RBFOX1: variants seen among roughly 807,000 people sequenced by gnomAD.
RBFOX1 encodes the protein RNA binding protein fox-1 homolog 1.
In RBFOX1, 8 loss-of-function variants were observed where a neutral mutation model predicts 57.7. The observed-to-expected ratio is 0.14, with a 90% CI of 0.08 to 0.25. RBFOX1 has a LOEUF of 0.25. Among genes scored for constraint, RBFOX1 ranks in the 10% least tolerant of loss-of-function variants. The pLI is 1.00. For synonymous variants in RBFOX1, 326 were observed against 222.4 expected (o/e 1.47, Z -4.15); for missense variants, 611 against 548.5 (o/e 1.11, Z -1.14).
chr16:5,487,633 G>C (rs1427020073), intron 2 of RBFOX1, among the ~76,000 whole-genome samples: 1 of 152,194 alleles, frequency 6.6e-6, no homozygotes, highest in Non-Finnish European at 1.5e-5. Flanking sequence ...TAATGTACTT[G>C]AGACCACAGA....
rs2084244971 is a variant in RBFOX1, at chr16:7,713,156, T to C, written c.*2411T>C. 6.6e-6 allele frequency: 1 copy of C among 152,314 alleles called. No homozygotes were observed. The highest frequency in any genetic ancestry group is 2.1e-4 in the South Asian group (1 of 4,822). 9.4% of individuals were successfully genotyped at this position (152,314 alleles called of 1,614,324 possible). A position where few individuals can be genotyped will look rare whatever the true frequency, so the allele number is the denominator to read the frequency against. Reference sequence around the variant, plus strand: ...CTAAATAACTATTGCTATTATGAATTATGGAAAATTAATATTATGTGTGGC... The same window carrying C: ...CTAAATAACTATTGCTATTATGAATCATGGAAAATTAATATTATGTGTGGC... On this transcript the variant is annotated 3_prime_UTR_variant, in exon 16 of 16. Transcript: ENST00000550418.
intron 4 of RBFOX1, among the ~76,000 whole-genome samples, chr16:7,147,875 C>A (rs532624571): frequency 6.6e-6 from 1 of 152,242 alleles, no homozygotes; most frequent in Admixed American, 6.5e-5. Context: ...TCTGTTTAAG[C>A]CCTTTGAGAA....
chr16:6,599,263 A>G (rs80320038), intron 2 of RBFOX1, among the ~76,000 whole-genome samples: 1 of 152,154 alleles, frequency 6.6e-6, no homozygotes, highest in Non-Finnish European at 1.5e-5. Context: ...GGGGCTTTGC[A>G]TAACTTCCAA....
chr16:5,244,388 C>T (rs189422427), intron 1 of RBFOX1, among the ~76,000 whole-genome samples: 3 of 152,326 alleles, frequency 2.0e-5, no homozygotes, highest in Admixed American at 6.5e-5. Context: ...TTCCCCACCA[C>T]ATCCGCCTGG....
chr16:7,199,039 C>G (rs2087560916), intron 4 of RBFOX1, among the ~76,000 whole-genome samples: 1 of 152,104 alleles, frequency 6.6e-6, no homozygotes, highest in Non-Finnish European at 1.5e-5. Context: ...GTTTCAGTTC[C>G]AAGGGACAAG....
chr16:5,948,727 C>G (rs1271160948), intron 4 of RBFOX1, among the ~76,000 whole-genome samples: 2 of 152,144 alleles, frequency 1.3e-5, no homozygotes, highest in Middle Eastern at 6.3e-3. Flanking sequence ...GGAACCAACC[C>G]TACCAGTGCT....
At chr16:5,763,805 C>T (rs1009902446) in intron 3 of RBFOX1, among the ~76,000 whole-genome samples, 1 of 152,230 alleles carries the variant, frequency 6.6e-6, no homozygotes, top group Non-Finnish European at 1.5e-5. Flanking sequence ...AGCCTTTGCT[C>T]AAATGCTCCC....
chr16:5,296,272 A>G (rs2063665808), intron 1 of RBFOX1, among the ~76,000 whole-genome samples: 1 of 152,028 alleles, frequency 6.6e-6, no homozygotes, highest in Admixed American at 6.6e-5. Context: ...TCTTTGAGGG[A>G]CTATGTTTCG....
intron 3 of RBFOX1, chr16:6,773,993 A>G: frequency 3.0e-6 from 3 of 985,296 alleles, no homozygotes; most frequent in Non-Finnish European, 2.4e-6. Flanking sequence ...CTGAACCTGT[A>G]ATTAGCTCCT....
At chr16:6,638,821 G>C (rs2098464503) in intron 2 of RBFOX1, among the ~76,000 whole-genome samples, 1 of 152,160 alleles carries the variant, frequency 6.6e-6, no homozygotes, top group East Asian at 1.9e-4. Context: ...TTTTGGTCTT[G>C]TCAGTTACTT....
intron 2 of RBFOX1, among the ~76,000 whole-genome samples, chr16:6,418,963 A>G (rs1322546691): frequency 6.6e-6 from 1 of 152,166 alleles, no homozygotes; most frequent in Non-Finnish European, 1.5e-5. Flanking sequence ...GATTTTGGAA[A>G]AAGCGTATGT....
intron 3 of RBFOX1, among the ~76,000 whole-genome samples, chr16:6,876,247 C>T (rs531522125): frequency 4.4e-4 from 67 of 152,210 alleles, no homozygotes; most frequent in African/African-American, 1.4e-3. Flanking sequence ...AGATTCCTGA[C>T]ATCCAGTCTT....
intron 11 of RBFOX1, among the ~76,000 whole-genome samples, chr16:7,648,931 G>C (rs1286953110): frequency 6.6e-6 from 1 of 152,106 alleles, no homozygotes; most frequent in African/African-American, 2.4e-5. Flanking sequence ...CTTTTTCCGA[G>C]ACAGTGAAAA....
chr16:7,058,255 T>C (rs754960928), intron 4 of RBFOX1, among the ~76,000 whole-genome samples: 3 of 152,192 alleles, frequency 2.0e-5, no homozygotes, highest in Non-Finnish European at 2.9e-5. Flanking sequence ...CTGTGGTTTT[T>C]ATGCCAATCA....
chr16:6,828,869 C>A (rs1041580051), intron 3 of RBFOX1, among the ~76,000 whole-genome samples: 1 of 152,142 alleles, frequency 6.6e-6, no homozygotes, highest in African/African-American at 2.4e-5. Flanking sequence ...AGTATTCCAC[C>A]CCTTGGCTAA....
At chr16:6,877,392 C>T (rs908518521) in intron 3 of RBFOX1, among the ~76,000 whole-genome samples, 4 of 152,252 alleles carry the variant, frequency 2.6e-5, no homozygotes. Flanking sequence ...ATAACTGCAT[C>T]ATTTTCCAAT....
At chr16:6,614,091 T>C (rs1052480967) in intron 2 of RBFOX1, among the ~76,000 whole-genome samples, 6 of 152,252 alleles carry the variant, frequency 3.9e-5, no homozygotes, top group Non-Finnish European at 8.8e-5. Context: ...TTTGTAGATT[T>C]TATAACGAAT....
At chr16:6,274,143 C>T (rs1453945652) in intron 1 of RBFOX1, among the ~76,000 whole-genome samples, 2 of 152,172 alleles carry the variant, frequency 1.3e-5, no homozygotes, top group Admixed American at 1.3e-4. Context: ...TATAGTGGAG[C>T]AGTTTCTTTA....
At chr16:6,439,123 G>T (rs1438664392) in intron 2 of RBFOX1, among the ~76,000 whole-genome samples, 1 of 152,140 alleles carries the variant, frequency 6.6e-6, no homozygotes, top group Non-Finnish European at 1.5e-5. Flanking sequence ...AGGGCAGCTG[G>T]ATCCCACTTG....
Sources: allele counts gnomAD v4.1 joint callset (sites outside exome capture counted in the v4.1 genomes callset), GRCh38; gene constraint gnomAD v4.1.1; transcripts MANE v1.5; gene names NCBI Gene and HGNC (gene_info 2026-07-23, HGNC 2026-07-21).